The following NCAPD3 variants were observed in gnomAD, a reference collection of about 807,000 sequenced individuals.
NCAPD3 encodes the protein non-SMC condensin II complex subunit D3, also known as condensin-2 complex subunit D3.
NCAPD3 carries 105 observed loss-of-function variants against 182.9 expected under a neutral mutation model. The observed-to-expected ratio is 0.57, with a 90% CI of 0.49 to 0.68. The LOEUF (loss-of-function observed/expected upper bound fraction) is 0.68, where lower values mean the gene tolerates loss of function less well. Ranked by LOEUF, NCAPD3 falls within the 30% of genes least tolerant of loss-of-function variation. The pLI is 0.00. For missense variants in NCAPD3, 1,944 were observed against 1,837.0 expected (o/e 1.06, Z -1.07); for synonymous variants, 815 against 679.9 (o/e 1.20, Z -3.09).
intron 19 of NCAPD3, among the ~76,000 whole-genome samples, chr11:134,182,537 C>T (rs1944319743): frequency 1.3e-5 from 2 of 152,168 alleles, no homozygotes; most frequent in South Asian, 4.1e-4. Context: ...CTTTGTGATA[C>T]CCTTATTTAA....
chr11:134,157,864 T>C (rs1943466885), intron 31 of NCAPD3, 64 bp downstream of exon 31: 1 of 1,493,442 alleles, frequency 6.7e-7, no homozygotes, highest in South Asian at 1.3e-5. Context: ...GAATAAGAAG[T>C]AGCTTGTTCT....
chr11:134,171,754 T>C (rs1944011117), intron 24 of NCAPD3, among the ~76,000 whole-genome samples: 1 of 152,148 alleles, frequency 6.6e-6, no homozygotes, highest in Admixed American at 6.5e-5. Context: ...AATCAGGCCC[T>C]ACCCTCCACA....
chr11:134,220,836 C>A, intron 1 of NCAPD3, 110 bp from the exon 2 acceptor site: 1 of 1,025,294 alleles, frequency 9.8e-7, no homozygotes, highest in Non-Finnish European at 1.4e-6. Flanking sequence ...AGTCACGATT[C>A]ACATTTAACT....
intron 13 of NCAPD3, among the ~76,000 whole-genome samples, chr11:134,196,141 A>C (rs1034828281): frequency 6.6e-6 from 1 of 152,214 alleles, no homozygotes; most frequent in African/African-American, 2.4e-5. Flanking sequence ...AAATTGCTAA[A>C]ATCAAGAAAG....
rs776275021 is a variant in NCAPD3 at position 134,158,387 on chromosome 11, C to T, written c.3976G>A (p.Ala1326Thr). Residue 1326 changes from alanine to threonine, a missense_variant, in exon 30 of 35, where the codon GCA (alanine) becomes ACA (threonine). By Grantham distance (58) the Ala-to-Thr change is moderately conservative. Coordinates refer to ENST00000534548, the MANE Select transcript of NCAPD3 (RefSeq NM_015261.3). ...GTTTCAGGTGTAGGAGATGATACTGCTACATGGCCAGCACTTGCCCTGGGT... is the reference window on the plus strand; with the variant it reads ...GTTTCAGGTGTAGGAGATGATACTGTTACATGGCCAGCACTTGCCCTGGGT... ...CTPRASAGHVAVSSPTPETGP... is the reference protein window; with the variant it reads ...CTPRASAGHVTVSSPTPETGP... 1.3e-5 allele frequency: 21 copies of T among 1,614,102 alleles called. No individual in the cohort carries two copies. In the South Asian group the frequency reaches 1.8e-4, roughly 14 times the overall value.
At chr11:134,210,199 T>C (rs1417304346) in intron 4 of NCAPD3, 71 bp downstream of exon 4, 3 of 1,363,486 alleles carry the variant, frequency 2.2e-6, no homozygotes, top group South Asian at 1.4e-5. Flanking sequence ...CCATGTTTAG[T>C]ATAAAGTCAA....
chr11:134,193,667 T>C (rs1400191912), intron 15 of NCAPD3, among the ~76,000 whole-genome samples: 1 of 152,184 alleles, frequency 6.6e-6, no homozygotes, highest in Admixed American at 6.5e-5. Flanking sequence ...GCAGGAGAGT[T>C]GCTTGAACCT....
chr11:134,161,542 C>T (rs571597891), intron 28 of NCAPD3, among the ~76,000 whole-genome samples: 12 of 152,338 alleles, frequency 7.9e-5, no homozygotes, highest in East Asian at 7.7e-4. Flanking sequence ...TAAGGGAAGA[C>T]GTGCTTGGCA....
At position 134,223,937 on chromosome 11, in the gene NCAPD3, C is replaced by A. The variant is rs111253809; in HGVS notation, c.-11G>T. Reference sequence around the variant, plus strand: ...CCGCAACGCCACCATGATCCCAGGGCACCGGCTCGCCGCCGCCGTGCTCAA... The same window carrying A: ...CCGCAACGCCACCATGATCCCAGGGAACCGGCTCGCCGCCGCCGTGCTCAA... On this transcript the variant is annotated 5_prime_UTR_variant, in exon 1 of 35. Coordinates refer to ENST00000534548, the MANE Select transcript of NCAPD3 (RefSeq NM_015261.3). The A allele has an allele frequency of 4.8e-3, 7,774 of 1,610,994 alleles. 237 individuals are homozygous for A. The African/African-American group carries it at 0.08, about 17-fold the overall frequency.
chr11:134,207,733 A>C (rs1355510808), intron 7 of NCAPD3, among the ~76,000 whole-genome samples: 1 of 132,486 alleles, frequency 7.5e-6, no homozygotes, highest in African/African-American at 3.1e-5. Context: ...TCAGAGCGAG[A>C]CTGCGTCTCA....
intron 11 of NCAPD3, 143 bp from the exon 12 acceptor site, chr11:134,203,341 T>C (rs913822170): frequency 2.8e-6 from 2 of 714,864 alleles, no homozygotes; most frequent in African/African-American, 3.6e-5. Flanking sequence ...AACGTTCTCC[T>C]TGGGTATGCA....
chr11:134,151,677 A>G lies in NCAPD3; in HGVS notation c.*1267T>C, dbSNP rs1943240966. Reference sequence around the variant, plus strand: ...TTTGGATGGATGTTGCTGTACACAGATGCTACAGACTTGTACTAACACACC... The same window carrying G: ...TTTGGATGGATGTTGCTGTACACAGGTGCTACAGACTTGTACTAACACACC... On this transcript the variant is annotated 3_prime_UTR_variant, in exon 35 of 35. Transcript: ENST00000534548. 6.6e-6 allele frequency: 1 copy of G among 152,222 alleles called. No homozygotes were observed. The highest frequency in any genetic ancestry group is 2.4e-5 in the African/African-American group (1 of 41,456). 9.4% of individuals were successfully genotyped at this position (152,222 alleles called of 1,614,324 possible).
chr11:134,166,784 C>A (rs1312603479), intron 27 of NCAPD3, among the ~76,000 whole-genome samples: 12 of 118,668 alleles, frequency 1.0e-4, no homozygotes, highest in Admixed American at 7.3e-4. Flanking sequence ...GGGGGAGGCG[C>A]ACACTCGTGA....
In NCAPD3 at chr11:134,205,183, A is replaced by T. The variant is rs11606907; in HGVS notation, c.1017-212T>A. 4.6e-3 allele frequency among the ~76,000 whole-genome samples: 702 copies of T among 152,342 alleles called. 6 individuals are homozygous for T. The highest frequency in any genetic ancestry group is 7.7e-3 in the Non-Finnish European group (525 of 68,030). On this transcript the variant is annotated intron_variant, in intron 8 of 34. Coordinates refer to ENST00000534548, the MANE Select transcript of NCAPD3 (RefSeq NM_015261.3). ...GCAGTTTTGAGAGCTGCTGCAGAGT[A>T]GCTAAGTCATCAGGTAAGAACAAAA...
Position 134,159,879 on chromosome 11 carries a change from G to T in NCAPD3, c.3867+13C>A. 2 of 1,608,712 alleles carry T rather than the reference G, an allele frequency of 1.2e-6. No individual in the cohort carries two copies. Among genetic ancestry groups the T allele is most frequent in the Non-Finnish European group, 1.7e-6 (2 of 1,178,484 alleles). On this transcript the variant is annotated intron_variant, in intron 29 of 34. Coordinates refer to ENST00000534548, the MANE Select transcript of NCAPD3 (RefSeq NM_015261.3). ...GGACTGTCTGGTCACAGTGCAGTGG[G>T]CCCCACACCTACCTGTGCCACAGGT... is the stretch of plus-strand genomic sequence containing the variant.
intron 24 of NCAPD3, chr11:134,173,583 C>G (rs1164407549): frequency 6.5e-6 from 1 of 152,714 alleles, no homozygotes; most frequent in Non-Finnish European, 1.5e-5. Flanking sequence ...TCTGCCTGCA[C>G]AGGGCTCCTC....
chr11:134,165,137 A>G (rs140947894), intron 27 of NCAPD3, among the ~76,000 whole-genome samples: 50 of 150,390 alleles, frequency 3.3e-4, no homozygotes, highest in African/African-American at 1.2e-3. Context: ...AGCTTAGGGG[A>G]GCAGCACACT....
intron 21 of NCAPD3, 30 bp downstream of exon 21, chr11:134,178,792 T>C (rs775514936): frequency 6.2e-7 from 1 of 1,612,468 alleles, no homozygotes; most frequent in Non-Finnish European, 8.5e-7. Flanking sequence ...ACGGCATGCG[T>C]GCTACAGAGT....
At chr11:134,155,715 T>C (rs572031826) in intron 32 of NCAPD3, among the ~76,000 whole-genome samples, 4 of 152,128 alleles carry the variant, frequency 2.6e-5, no homozygotes, top group Non-Finnish European at 5.9e-5. Flanking sequence ...ACTGCCAAAA[T>C]AGAAGCTCTT....
Sources: gnomAD v4.1 joint callset for allele counts (sites outside exome capture counted in the v4.1 genomes callset) on GRCh38, gnomAD v4.1.1 for gene constraint, MANE v1.5 for transcripts, NCBI Gene and HGNC (gene_info 2026-07-23, HGNC 2026-07-21) for gene names.